Variants in CNTNAP4 observed in about 807,000 individuals in gnomAD.
CNTNAP4 encodes the protein contactin-associated protein-like 4.
Under a neutral mutation model 148.4 loss-of-function variants are expected in CNTNAP4, and 98 were observed. That is an observed-to-expected ratio of 0.66 (90% CI 0.56 to 0.78). The LOEUF is 0.78. Among genes scored for constraint, CNTNAP4 ranks in the 30% least tolerant of loss-of-function variants. CNTNAP4 has a pLI of 0.00. For synonymous variants in CNTNAP4, 730 were observed against 565.1 expected (o/e 1.29, Z -4.14); for missense variants, 1,935 against 1,565.6 (o/e 1.24, Z -3.98).
chr16:76,364,647 T>G (rs1215636705), intron 3 of CNTNAP4, among the ~76,000 whole-genome samples: 2 of 152,230 alleles, frequency 1.3e-5, no homozygotes, highest in East Asian at 3.8e-4. Flanking sequence ...TTTTGCATTT[T>G]TCAATCTTGG....
intron 1 of CNTNAP4, chr16:76,309,721 C>A: frequency 1.7e-6 from 1 of 603,186 alleles, no homozygotes. Context: ...TGACAGGGAC[C>A]CAGGTGGAGG....
Position 76,452,686 on chromosome 16 carries a change from G to C in CNTNAP4, c.1250G>C (p.Gly417Ala). 1 of 1,613,580 alleles carries C rather than the reference G, an allele frequency of 6.2e-7. No individual in the cohort carries two copies. The highest frequency in any genetic ancestry group is 1.7e-4 in the Middle Eastern group (1 of 6,058). The part of the protein sequence containing the change: ...LLFSELQLIS[G>A]GILLFLSDGK... ...TTCAGTGAACTTCAGCTGATTTCAG[G>C]GGGTATCCTCCTCTTTCTGAGTGAT... The change falls in exon 8 of 24, where the codon GGG (glycine) becomes GCG (alanine). Residue 417 changes from glycine to alanine, a missense_variant. Transcript: ENST00000611870.
chr16:76,355,651 G>T lies in CNTNAP4; in HGVS notation c.390+140G>T, dbSNP rs556474938. The T allele has an allele frequency of 1.9e-5, 10 of 537,360 alleles. No homozygotes were observed. The South Asian group carries it at 4.2e-4, about 23-fold the overall frequency. The allele number at this position is 537,360 out of a possible 1,614,324, so 33.3% of individuals were successfully genotyped here. A position where few individuals can be genotyped will look rare whatever the true frequency, so the allele number is the denominator to read the frequency against. On this transcript the variant is annotated intron_variant, in intron 3 of 23. Transcript: ENST00000611870. ...AAAACATTTTCCAAGAGAAAATATG[G>T]TAAATAATCATTTTCCAATACATTT...
At chr16:76,337,235 C>G (rs572011689) in intron 2 of CNTNAP4, among the ~76,000 whole-genome samples, 1 of 152,298 alleles carries the variant, frequency 6.6e-6, no homozygotes, top group South Asian at 2.1e-4. Context: ...GTTTCCTTAG[C>G]CTTGAATGAA....
At chr16:76,513,392 A>T (rs2083107270) in intron 15 of CNTNAP4, among the ~76,000 whole-genome samples, 1 of 152,116 alleles carries the variant, frequency 6.6e-6, no homozygotes, top group Non-Finnish European at 1.5e-5. Context: ...ATCGCAGAGG[A>T]GCATTGAGTG....
intron 6 of CNTNAP4, 148 bp from the exon 7 acceptor site, chr16:76,449,567 T>A: frequency 1.6e-6 from 1 of 620,034 alleles, no homozygotes; most frequent in Non-Finnish European, 2.6e-6. Context: ...CATAAATTTG[T>A]TTTAAATCTA....
intron 4 of CNTNAP4, among the ~76,000 whole-genome samples, chr16:76,428,879 T>C (rs78141145): frequency 1.2e-3 from 184 of 152,262 alleles, no homozygotes; most frequent in Non-Finnish European, 2.2e-3. Context: ...ATAGCCCCGA[T>C]AAATATTACT....
chr16:76,485,062 ATTAG>A (rs928827045), intron 12 of CNTNAP4, among the ~76,000 whole-genome samples: 12 of 152,216 alleles, frequency 7.9e-5, no homozygotes, highest in Admixed American at 5.9e-4. Flanking sequence ...TTTCAAAATA[ATTAG>A]TTAGAGTAAG....
chr16:76,463,174 G>A (rs979956786), intron 9 of CNTNAP4, among the ~76,000 whole-genome samples: 6 of 152,188 alleles, frequency 3.9e-5, no homozygotes, highest in Admixed American at 3.9e-4. Flanking sequence ...TTGATTTTAT[G>A]GCAATCCATA....
At chr16:76,330,728 C>T (rs1270411879) in intron 2 of CNTNAP4, among the ~76,000 whole-genome samples, 5 of 152,184 alleles carry the variant, frequency 3.3e-5, no homozygotes, top group Admixed American at 6.5e-5. Flanking sequence ...TTGCTCTTAG[C>T]ACTACATGAC....
chr16:76,503,507 G>A (rs925705554), intron 15 of CNTNAP4, among the ~76,000 whole-genome samples: 44 of 152,134 alleles, frequency 2.9e-4, no homozygotes, highest in African/African-American at 1.0e-3. Context: ...AGGATTCAAG[G>A]TCAATATTCA....
intron 3 of CNTNAP4, among the ~76,000 whole-genome samples, chr16:76,382,152 T>C (rs1275018059): frequency 2.0e-5 from 3 of 151,938 alleles, no homozygotes; most frequent in Admixed American, 2.0e-4. Flanking sequence ...GCTAGACTTT[T>C]TTTTAACATG....
Position 76,437,521 on chromosome 16 carries a change from AT to A in CNTNAP4, c.538+9923del, listed in dbSNP as rs534979301. ...TGACCAAAAGTGAAAATGTTTTAGT[AT>A]CAAAAAGGATAGTAACTGCTAAGTT... On this transcript the variant is annotated intron_variant, in intron 4 of 23. Coordinates refer to ENST00000611870, the MANE Select transcript of CNTNAP4 (RefSeq NM_033401.5). 3.6e-3 allele frequency among the ~76,000 whole-genome samples: 550 copies of A among 152,278 alleles called. 4 individuals carry two copies. Among genetic ancestry groups the A allele is most frequent in the African/African-American group, 0.013 (528 of 41,568 alleles).
intron 19 of CNTNAP4, 53 bp from the exon 20 acceptor site, chr16:76,539,666 C>A: frequency 1.4e-6 from 2 of 1,448,278 alleles, no homozygotes; most frequent in South Asian, 1.3e-5. Flanking sequence ...TTAAGTAAGC[C>A]GCTCTCAAAG....
intron 21 of CNTNAP4, among the ~76,000 whole-genome samples, chr16:76,548,043 T>C (rs1466406050): frequency 6.6e-6 from 1 of 152,262 alleles, no homozygotes; most frequent in Non-Finnish European, 1.5e-5. Flanking sequence ...TACCTGCCAC[T>C]GTAAGATAGC....
At chr16:76,419,522 C>T (rs2079106678) in intron 3 of CNTNAP4, among the ~76,000 whole-genome samples, 1 of 152,016 alleles carries the variant, frequency 6.6e-6, no homozygotes, top group Admixed American at 6.6e-5. Context: ...TCATGCTAGT[C>T]TACACTCAGT....
In CNTNAP4 at chr16:76,467,235, T is replaced by C. The variant is rs1433873015; in HGVS notation, c.1484-117T>C. 5.9e-6 allele frequency: 5 copies of C among 846,240 alleles called. No homozygotes were observed. The South Asian group carries it at 7.2e-5, about 12-fold the overall frequency. 52.4% of individuals were successfully genotyped at this position (846,240 alleles called of 1,614,324 possible). ...AATAATGACTGCAGTCATTATTCCC[T>C]CCTTTAATACAGAAAATAATCATAT... On this transcript the variant is annotated intron_variant, in intron 9 of 23. Transcript: ENST00000611870.
intron 21 of CNTNAP4, among the ~76,000 whole-genome samples, chr16:76,545,906 G>A (rs1014853347): frequency 1.3e-5 from 2 of 151,990 alleles, no homozygotes; most frequent in African/African-American, 4.8e-5. Context: ...GTGGTAGCAT[G>A]CGCCCGTAGT....
intron 2 of CNTNAP4, among the ~76,000 whole-genome samples, chr16:76,339,740 A>G (rs888579843): frequency 1.3e-5 from 2 of 152,238 alleles, no homozygotes; most frequent in African/African-American, 4.8e-5. Context: ...TATTAGAACA[A>G]TAACAGCTCA....
Sources: allele counts gnomAD v4.1 joint callset (sites outside exome capture counted in the v4.1 genomes callset), GRCh38; gene constraint gnomAD v4.1.1; transcripts MANE v1.5; gene names NCBI Gene and HGNC (gene_info 2026-07-23, HGNC 2026-07-21).